ZC3H11A: variants seen among roughly 807,000 people sequenced by gnomAD.
ZC3H11A encodes the protein zinc finger CCCH-type containing 11A.
ZC3H11A carries 22 observed loss-of-function variants against 90.8 expected under a neutral mutation model. The observed-to-expected ratio is 0.24, with a 90% CI of 0.17 to 0.35. The LOEUF (loss-of-function observed/expected upper bound fraction) is 0.35, where lower values mean the gene tolerates loss of function less well. ZC3H11A is among the 10% of genes least tolerant of loss of function. The pLI is 1.00. For missense variants in ZC3H11A, 701 were observed against 964.9 expected (o/e 0.73, Z 3.62); for synonymous variants, 294 against 339.8 (o/e 0.87, Z 1.48).
chr1:203,819,786 G>A (rs894643420), intron 4 of ZC3H11A, among the ~76,000 whole-genome samples: 7 of 149,318 alleles, frequency 4.7e-5, no homozygotes, highest in South Asian at 4.3e-4. Context: ...CACTTGCCTC[G>A]GCCTCCCAAA....
chr1:203,840,444 ATTTACCTG>A lies in ZC3H11A; in HGVS notation c.1042+73_1042+80del, dbSNP rs1320526484. 4.8e-6 allele frequency: 7 copies of A among 1,471,584 alleles called. No individual in the cohort carries two copies. The East Asian group carries it at 1.4e-4, about 29-fold the overall frequency. 91.2% of individuals were successfully genotyped at this position (1,471,584 alleles called of 1,614,324 possible). On this transcript the variant is annotated intron_variant, in intron 12 of 17. Coordinates refer to ENST00000367210, the MANE Select transcript of ZC3H11A (RefSeq NM_001376342.1). ...TGTAAGAGCCTTTGCTTTTTCTCAG[ATTTACCTG>A]TTGCTTGCTAGGGCTTTTGATTTTT...
rs369850407 is a variant in ZC3H11A at position 203,810,902 on chromosome 1, G to A, written c.-145-6024G>A. ...TCCCAGCACTTTGAGAGGTTGAGGC[G>A]GGCAGATGACCTGAGGTCAGGAGTT... On this transcript the variant is annotated intron_variant, in intron 2 of 17. Transcript: ENST00000367210. Among the ~76,000 whole-genome samples, 14 of 151,608 alleles carry A rather than the reference G, an allele frequency of 9.2e-5. No individual in the cohort carries two copies. The East Asian group carries it at 1.8e-3, about 19-fold the overall frequency.
intron 2 of ZC3H11A, among the ~76,000 whole-genome samples, chr1:203,805,200 TC>T (rs1671895497): frequency 6.6e-6 from 1 of 150,960 alleles, no homozygotes; most frequent in African/African-American, 2.4e-5. Flanking sequence ...TGTGGGGTGA[TC>T]TTGGCTCACT....
At position 203,801,620 on chromosome 1, in the gene ZC3H11A, G is replaced by T. The variant is rs1326988715; in HGVS notation, c.-1542G>T. ...CAAAAAATTCCTGGAAAATTGACTA[G>T]TATTAAGTGTGAGTAAAAGGTGTCC... On this transcript the variant is annotated 5_prime_UTR_variant, in exon 2 of 18. Transcript: ENST00000367210. 6.6e-6 allele frequency: 1 copy of T among 152,476 alleles called. No individual in the cohort carries two copies. The highest frequency in any genetic ancestry group is 1.5e-5 in the Non-Finnish European group (1 of 67,980). 9.4% of individuals were successfully genotyped at this position (152,476 alleles called of 1,614,324 possible).
At chr1:203,800,510 A>G (rs1254640294) in intron 1 of ZC3H11A, 1 of 1,428,802 alleles carries the variant, frequency 7.0e-7, no homozygotes, top group Non-Finnish European at 9.1e-7. Context: ...GTGTTACTGT[A>G]TCTTAATAGC....
intron 1 of ZC3H11A, chr1:203,799,915 A>T: frequency 6.5e-7 from 1 of 1,536,094 alleles, no homozygotes. Flanking sequence ...CTTGCAGAAG[A>T]GGTCTGTAAT....
chr1:203,842,860 A>G (rs766393537), intron 12 of ZC3H11A, among the ~76,000 whole-genome samples: 9 of 151,250 alleles, frequency 6.0e-5, no homozygotes, highest in South Asian at 4.1e-4. Context: ...ATATAACTAC[A>G]TAAGTATATA....
rs780090288 is a variant in ZC3H11A at position 203,848,396 on chromosome 1, G to A, written c.1612G>A (p.Glu538Lys). Residue 538 changes from glutamate to lysine, a missense_variant, in exon 14 of 18, where the codon GAA becomes AAA. By Grantham distance (56) the Glu-to-Lys change is moderately conservative. This residue lies in a region of ZC3H11A where 530 missense variants were observed against 696.2 expected (regional missense o/e 0.76). Transcript: ENST00000367210. ...TGATTCTCAGAGCAGTATTAGAACAGAAGCTAAAGAGGTAAATTTAAGATT... is the reference window on the plus strand; with the variant it reads ...TGATTCTCAGAGCAGTATTAGAACAAAAGCTAAAGAGGTAAATTTAAGATT... ...EVDSQSSIRT[E>K]AKEASGETTG... 6.2e-7 allele frequency: 1 copy of A among 1,605,796 alleles called. No homozygotes were observed. The highest frequency in any genetic ancestry group is 1.3e-5 in the African/African-American group (1 of 74,634).
At chr1:203,819,151 TAC>T (rs776505254) in intron 4 of ZC3H11A, among the ~76,000 whole-genome samples, 51 of 145,940 alleles carry the variant, frequency 3.5e-4, no homozygotes, top group Non-Finnish European at 3.9e-4. Context: ...TGTGTGTATA[TAC>T]ACACACGTGT....
intron 12 of ZC3H11A, among the ~76,000 whole-genome samples, chr1:203,840,640 T>TTTATTTATTTATTTA (rs1558136097): frequency 7.1e-6 from 1 of 141,216 alleles, no homozygotes; most frequent in Non-Finnish European, 1.6e-5. Flanking sequence ...TTATTTATTT[T>TTTATTTATTTATTTA]ATTTATTTTT....
At chr1:203,833,761 G>A (rs1683276983) in intron 9 of ZC3H11A, 30 bp from the exon 10 acceptor site, 3 of 1,598,532 alleles carry the variant, frequency 1.9e-6, no homozygotes, top group Non-Finnish European at 2.6e-6. Flanking sequence ...ATTGACTAAG[G>A]ATAGAGAAAT....
chr1:203,850,464 T>A, intron 15 of ZC3H11A, 51 bp from the exon 16 acceptor site: 1 of 1,601,460 alleles, frequency 6.2e-7, no homozygotes, highest in Non-Finnish European at 8.6e-7. Flanking sequence ...TTATTCCCCA[T>A]TTAAAAGAGT....
At chr1:203,813,384 T>G (rs1314607986) in intron 2 of ZC3H11A, among the ~76,000 whole-genome samples, 1 of 152,056 alleles carries the variant, frequency 6.6e-6, no homozygotes, top group Non-Finnish European at 1.5e-5. Flanking sequence ...ATTTTAATGG[T>G]TTTTATTGAA....
chr1:203,837,926 ATTGACTTGAAATCTTAAAC>A, intron 10 of ZC3H11A, 21 bp from the exon 11 acceptor site: 2 of 1,580,282 alleles, frequency 1.3e-6, no homozygotes, highest in Non-Finnish European at 1.7e-6. Flanking sequence ...CTTGCTGAAG[ATTGACTTGAAATCTTAAAC>A]TAAGTTCTCC....
At chr1:203,827,450 G>A (rs956620827) in intron 4 of ZC3H11A, among the ~76,000 whole-genome samples, 2 of 151,706 alleles carry the variant, frequency 1.3e-5, no homozygotes, top group Non-Finnish European at 2.9e-5. Flanking sequence ...GGAGGCTGAG[G>A]CGGGCGGATC....
At chr1:203,806,201 C>A in intron 2 of ZC3H11A, 1 of 439,842 alleles carries the variant, frequency 2.3e-6, no homozygotes, top group South Asian at 1.8e-5. Context: ...TCCACCATGC[C>A]AATGCAGTCA....
At position 203,853,375 on chromosome 1, in the gene ZC3H11A, G is replaced by T. The variant is rs1175043851; in HGVS notation, c.*976G>T. 1 of 152,546 alleles carries T rather than the reference G, an allele frequency of 6.6e-6. No homozygotes were observed. The highest frequency in any genetic ancestry group is 6.6e-5 in the Admixed American group (1 of 15,264). 9.4% of individuals were successfully genotyped at this position (152,546 alleles called of 1,614,324 possible). On this transcript the variant is annotated 3_prime_UTR_variant, in exon 18 of 18. Transcript: ENST00000367210. ...ATGGGCTGTAGCAGTACACTGAATT[G>T]TACTGTGCCAGGGATATTGAGATGC...
chr1:203,830,280 C>A, intron 8 of ZC3H11A, 77 bp downstream of exon 8: 2 of 1,066,910 alleles, frequency 1.9e-6, no homozygotes, highest in Non-Finnish European at 2.8e-6. Context: ...GAAGCAACAG[C>A]CAAAATGAGC....
At chr1:203,831,623 C>A (rs1300296725) in intron 8 of ZC3H11A, 38 bp from the exon 9 acceptor site, 1 of 1,563,436 alleles carries the variant, frequency 6.4e-7, no homozygotes, top group Admixed American at 1.8e-5. Context: ...CATTATTTTC[C>A]ATAAATTATT....
Sources: allele counts gnomAD v4.1 joint callset (sites outside exome capture counted in the v4.1 genomes callset), GRCh38; gene constraint gnomAD v4.1.1; regional missense constraint gnomAD v4.1.1; transcripts MANE v1.5; gene names NCBI Gene and HGNC (gene_info 2026-07-23, HGNC 2026-07-21).